NYAP2: variants seen among roughly 807,000 people sequenced by gnomAD.
NYAP2 encodes neuronal tyrosine-phosphorylated phosphoinositide-3-kinase adapter 2.
In NYAP2, 23 loss-of-function variants were observed where a neutral mutation model predicts 50.4. The observed-to-expected ratio is 0.46, with a 90% CI of 0.33 to 0.65. NYAP2 has a LOEUF of 0.65. NYAP2 is among the 30% of genes least tolerant of loss of function. The pLI is 0.02. For missense variants in NYAP2, 885 were observed against 861.0 expected, an observed-to-expected ratio of 1.03 and a Z score of -0.35; for synonymous variants, 394 against 365.2, an observed-to-expected ratio of 1.08 and a Z score of -0.90.
At chr2:225,621,112 CAAAA>C (rs35570419) in intron 5 of NYAP2, among the ~76,000 whole-genome samples, 13 of 98,462 alleles carry the variant, frequency 1.3e-4, no homozygotes, top group Non-Finnish European at 1.9e-4. Context: ...GACTCCGTCT[CAAAA>C]AAAAAAAAAA....
intron 5 of NYAP2, among the ~76,000 whole-genome samples, chr2:225,617,060 G>C (rs1041410589): frequency 6.6e-6 from 1 of 152,160 alleles, no homozygotes; most frequent in Admixed American, 6.5e-5. Context: ...ATCTGCAACA[G>C]ACCTTTGGTC....
intron 4 of NYAP2, among the ~76,000 whole-genome samples, chr2:225,553,345 C>T (rs1212827672): frequency 6.6e-6 from 1 of 152,236 alleles, no homozygotes; most frequent in Admixed American, 6.5e-5. Context: ...CCTCCTCTAA[C>T]AGGGAGCACC....
exon 7 of NYAP2, chr2:225,651,684 A>G: frequency 1.0e-6 from 1 of 982,812 alleles, no homozygotes; most frequent in Middle Eastern, 2.8e-4. Flanking sequence ...GCGGGGGATG[A>G]GTTCTGGCAG....
chr2:225,679,324 G>C, the NYAP2 span, among the ~76,000 whole-genome samples: 1 of 151,992 alleles, frequency 6.6e-6, no homozygotes, highest in Non-Finnish European at 1.5e-5. Context: ...ATGGTGCAGA[G>C]AGCATCTTGG....
intron 4 of NYAP2, among the ~76,000 whole-genome samples, chr2:225,552,444 T>A (rs767578706): frequency 2.0e-5 from 3 of 152,194 alleles, no homozygotes; most frequent in African/African-American, 4.8e-5. Flanking sequence ...GAATTCGTCA[T>A]CCACAATGTG....
chr2:225,536,721 C>T (rs1691357446), intron 4 of NYAP2, among the ~76,000 whole-genome samples: 1 of 151,800 alleles, frequency 6.6e-6, no homozygotes. Flanking sequence ...TTATTATTGA[C>T]TATAGTCATC....
chr2:225,446,095 C>T lies in NYAP2; in HGVS notation c.221+36994C>T, dbSNP rs115170548. On this transcript the variant is annotated intron_variant, in intron 3 of 6. Coordinates refer to ENST00000636099, the Ensembl canonical transcript of NYAP2. ...ACTCTGGAGGCTAAGGCAGGAGAAC[C>T]ATTCGAACCCGGGAGGCGGAGGTTG... Among the ~76,000 whole-genome samples, 699 of 151,618 alleles carry T rather than the reference C, an allele frequency of 4.6e-3. 4 individuals are homozygous for T. The highest frequency in any genetic ancestry group is 0.016 in the African/African-American group (650 of 41,378).
At chr2:225,429,126 A>G (rs1026586235) in intron 3 of NYAP2, among the ~76,000 whole-genome samples, 6 of 152,134 alleles carry the variant, frequency 3.9e-5, no homozygotes, top group African/African-American at 1.2e-4. Flanking sequence ...GACTCCCAAG[A>G]ACAGTTATGA....
intron 3 of NYAP2, among the ~76,000 whole-genome samples, chr2:225,474,746 T>A (rs1690074947): frequency 6.6e-6 from 1 of 152,250 alleles, no homozygotes; most frequent in Non-Finnish European, 1.5e-5. Context: ...TACAATCATG[T>A]CATCTGCAAA....
At chr2:225,457,803 G>T (rs1689762899) in intron 3 of NYAP2, among the ~76,000 whole-genome samples, 1 of 152,186 alleles carries the variant, frequency 6.6e-6, no homozygotes, top group African/African-American at 2.4e-5. Flanking sequence ...AAAAGATAGT[G>T]CTTAATGAAA....
chr2:225,442,498 C>A (rs1450422690), intron 3 of NYAP2, among the ~76,000 whole-genome samples: 1 of 152,104 alleles, frequency 6.6e-6, no homozygotes, highest in East Asian at 1.9e-4. Flanking sequence ...TGTGTTAGTC[C>A]ATTTTCATAC....
intron 3 of NYAP2, among the ~76,000 whole-genome samples, chr2:225,415,207 C>T (rs1401529902): frequency 2.6e-5 from 4 of 152,078 alleles, no homozygotes; most frequent in Non-Finnish European, 5.9e-5. Flanking sequence ...TAAAAAAATA[C>T]ATGCAATTGC....
chr2:225,644,498 A>G (rs71221610), intron 6 of NYAP2, among the ~76,000 whole-genome samples: 1 of 151,534 alleles, frequency 6.6e-6, no homozygotes, highest in Non-Finnish European at 1.5e-5. Flanking sequence ...TTGGTGTTTT[A>G]GACATGAAGT....
At chr2:225,661,804 A>C in the NYAP2 span, among the ~76,000 whole-genome samples, 8 of 151,652 alleles carry the variant, frequency 5.3e-5, no homozygotes, top group Non-Finnish European at 8.8e-5. Flanking sequence ...GCTCACTGCA[A>C]CTTCCACCTT....
intron 6 of NYAP2, among the ~76,000 whole-genome samples, chr2:225,637,285 G>A (rs1039300478): frequency 3.9e-5 from 6 of 152,062 alleles, no homozygotes; most frequent in Non-Finnish European, 8.8e-5. Flanking sequence ...ATTCATTTTT[G>A]TTACGCAACA....
At chr2:225,692,104 TTGGCATCGTGCTC>T in the NYAP2 span, among the ~76,000 whole-genome samples, 1 of 152,154 alleles carries the variant, frequency 6.6e-6, no homozygotes, top group African/African-American at 2.4e-5. Context: ...AGGCGCTTGC[TTGGCATCGTGCTC>T]TGTCTCCTAG....
At chr2:225,661,141 C>T in the NYAP2 span, among the ~76,000 whole-genome samples, 2 of 152,160 alleles carry the variant, frequency 1.3e-5, no homozygotes, top group South Asian at 4.1e-4. Flanking sequence ...AAACAGATAG[C>T]TTGAGAGTCT....
the NYAP2 span, among the ~76,000 whole-genome samples, chr2:225,680,286 A>G: frequency 2.6e-5 from 4 of 152,196 alleles, no homozygotes; most frequent in African/African-American, 9.6e-5. Flanking sequence ...GTTTAGAAGT[A>G]TAGGAAAAGC....
chr2:225,482,769 G>A (rs1163840154), intron 3 of NYAP2, among the ~76,000 whole-genome samples: 1 of 152,066 alleles, frequency 6.6e-6, no homozygotes. Flanking sequence ...GATTCCCTAG[G>A]CAGCTCTTTT....
Sources: gnomAD v4.1 joint callset for allele counts (sites outside exome capture counted in the v4.1 genomes callset) on GRCh38, gnomAD v4.1.1 for gene constraint, MANE v1.5 for transcripts, NCBI Gene and HGNC (gene_info 2026-07-23, HGNC 2026-07-21) for gene names.